FAM168B: variants seen among roughly 807,000 people sequenced by gnomAD.
FAM168B encodes myelin-associated neurite-outgrowth inhibitor.
A neutral mutation model predicts 21.8 loss-of-function variants in FAM168B; 19 were observed. That is an observed-to-expected ratio of 0.87 (90% CI 0.61 to 1.28). The LOEUF (loss-of-function observed/expected upper bound fraction) is 1.28. Ranked by LOEUF, FAM168B falls within the 50% of genes most tolerant of loss-of-function variation. The pLI, the probability that FAM168B is intolerant of heterozygous loss-of-function variation, is 0.00. For synonymous variants in FAM168B, 126 were observed against 104.8 expected (o/e 1.20, Z -1.24); for missense variants, 233 against 263.1 (o/e 0.89, Z 0.79).
chr2:131,076,902 C>G (rs1473900217), intron 2 of FAM168B, among the ~76,000 whole-genome samples: 1 of 151,958 alleles, frequency 6.6e-6, no homozygotes, highest in East Asian at 1.9e-4. Context: ...GACTAACTTC[C>G]GACTAGCAGA....
At chr2:131,066,227 GCGATCT>G (rs1324938416) in intron 3 of FAM168B, among the ~76,000 whole-genome samples, 1 of 149,426 alleles carries the variant, frequency 6.7e-6, no homozygotes, top group East Asian at 2.0e-4. Flanking sequence ...GTGCAGTGGT[GCGATCT>G]CGATCTCGAC....
intron 3 of FAM168B, among the ~76,000 whole-genome samples, chr2:131,063,717 T>C (rs1025506564): frequency 6.6e-6 from 1 of 152,166 alleles, no homozygotes; most frequent in Non-Finnish European, 1.5e-5. Flanking sequence ...AATTCTGGGT[T>C]ACAGTGAGCT....
At chr2:131,072,503 G>A (rs2105526718) in intron 2 of FAM168B, among the ~76,000 whole-genome samples, 1 of 151,146 alleles carries the variant, frequency 6.6e-6, no homozygotes, top group East Asian at 1.9e-4. Context: ...TTTCACTCTT[G>A]TTGCCCAGGC....
intron 1 of FAM168B, among the ~76,000 whole-genome samples, chr2:131,085,259 G>A (rs1457992372): frequency 1.3e-5 from 2 of 152,092 alleles, no homozygotes; most frequent in Non-Finnish European, 2.9e-5. Flanking sequence ...AGACCAGCCT[G>A]GGCAATATAA....
At chr2:131,057,073 C>A (rs775166829) in intron 3 of FAM168B, among the ~76,000 whole-genome samples, 12 of 152,200 alleles carry the variant, frequency 7.9e-5, no homozygotes, top group Non-Finnish European at 1.3e-4. Context: ...TGGCATCTCA[C>A]ATTCCCATGG....
At chr2:131,065,135 AAAAC>A (rs1380224569) in intron 3 of FAM168B, among the ~76,000 whole-genome samples, 1 of 152,218 alleles carries the variant, frequency 6.6e-6, no homozygotes, top group Non-Finnish European at 1.5e-5. Context: ...CCACTTTACA[AAAAC>A]AAACAAAAAA....
intron 3 of FAM168B, among the ~76,000 whole-genome samples, chr2:131,058,217 G>A (rs1234649957): frequency 2.0e-5 from 3 of 152,174 alleles, no homozygotes. Flanking sequence ...GGGGCCTTTT[G>A]TTTGGGGTGC....
At position 131,051,255 on chromosome 2, in the gene FAM168B, A is replaced by T; in HGVS notation, c.*1210T>A. The T allele has an allele frequency of 1.0e-6, 1 of 985,294 alleles. No individual in the cohort carries two copies. The highest frequency in any genetic ancestry group is 1.2e-6 in the Non-Finnish European group (1 of 829,916). The allele number at this position is 985,294 out of a possible 1,614,324, so 61.0% of individuals were successfully genotyped here. Reference sequence around the variant, plus strand: ...CCTCAGCAGACAAGTCACCACCATCAGGTGGGTGATCCCAGAAGCAGCTAC... The same window carrying T: ...CCTCAGCAGACAAGTCACCACCATCTGGTGGGTGATCCCAGAAGCAGCTAC... On this transcript the variant is annotated 3_prime_UTR_variant, in exon 7 of 7. Coordinates refer to ENST00000389915, the MANE Select transcript of FAM168B (RefSeq NM_001009993.4).
intron 3 of FAM168B, among the ~76,000 whole-genome samples, chr2:131,058,588 A>C (rs1485170820): frequency 2.0e-5 from 3 of 152,214 alleles, no homozygotes; most frequent in East Asian, 3.8e-4. Context: ...GCTCACCGCT[A>C]TGTTAACCGT....
At chr2:131,074,267 T>A (rs1301993480) in intron 2 of FAM168B, among the ~76,000 whole-genome samples, 2 of 152,134 alleles carry the variant, frequency 1.3e-5, no homozygotes, top group Non-Finnish European at 2.9e-5. Context: ...TAGCTGGGAT[T>A]TCGGGCACAC....
intron 3 of FAM168B, among the ~76,000 whole-genome samples, chr2:131,060,061 TC>T: frequency 6.6e-6 from 1 of 151,902 alleles, no homozygotes; most frequent in Non-Finnish European, 1.5e-5. Flanking sequence ...GCTGTCTCGC[TC>T]TGTCACCCAG....
At chr2:131,084,189 GC>G (rs1160149130) in intron 1 of FAM168B, among the ~76,000 whole-genome samples, 9 of 111,088 alleles carry the variant, frequency 8.1e-5, no homozygotes, top group African/African-American at 1.4e-4. Flanking sequence ...TCTCCCCTCC[GC>G]CCCCCCCACC....
Position 131,082,569 on chromosome 2 carries a change from T to C in FAM168B, c.70+8A>G. 4 of 1,589,008 alleles carry C rather than the reference T, an allele frequency of 2.5e-6. No individual in the cohort carries two copies. The highest frequency in any genetic ancestry group is 3.4e-6 in the Non-Finnish European group (4 of 1,167,010). On this transcript the variant is annotated splice_region_variant and intron_variant, in intron 2 of 6. Transcript: ENST00000389915. ...TTCAAAAATGAAAACAAAATTTTAC[T>C]TACTTACCTGGATAACCAATTCCTT...
chr2:131,059,685 C>G (rs1054897761), intron 3 of FAM168B, among the ~76,000 whole-genome samples: 10 of 152,154 alleles, frequency 6.6e-5, no homozygotes, highest in African/African-American at 2.4e-4. Context: ...AAACTTCCAA[C>G]AGTTTAAACA....
Position 131,082,553 on chromosome 2 carries a change from GAAAAC to G in FAM168B, c.70+19_70+23del. The G allele has an allele frequency of 6.5e-7, 1 of 1,548,168 alleles. No homozygotes were observed. Among genetic ancestry groups the G allele is most frequent in the South Asian group, 1.2e-5 (1 of 83,598 alleles). On this transcript the variant is annotated intron_variant, in intron 2 of 6. Transcript: ENST00000389915. Reference sequence around the variant, plus strand: ...TACCAAGTATTCAAAGTTCAAAAATGAAAACAAAATTTTACTTACTTACCTGGATA... The same window carrying G: ...TACCAAGTATTCAAAGTTCAAAAATGAAAATTTTACTTACTTACCTGGATA...
intron 3 of FAM168B, among the ~76,000 whole-genome samples, chr2:131,070,061 G>A (rs759618686): frequency 2.6e-5 from 4 of 151,080 alleles, no homozygotes; most frequent in Non-Finnish European, 4.4e-5. Flanking sequence ...GTTTCACCAC[G>A]TTGGCCAGGC....
At chr2:131,058,597 G>T in intron 3 of FAM168B, among the ~76,000 whole-genome samples, 1 of 152,162 alleles carries the variant, frequency 6.6e-6, no homozygotes, top group East Asian at 1.9e-4. Context: ...TATGTTAACC[G>T]TAAATAGAAA....
intron 2 of FAM168B, among the ~76,000 whole-genome samples, chr2:131,076,387 C>T (rs796514819): frequency 2.0e-4 from 30 of 152,152 alleles, no homozygotes; most frequent in African/African-American, 7.0e-4. Flanking sequence ...CTTGGCCGGG[C>T]GCAGTGGCTC....
At chr2:131,077,066 C>T (rs181100511) in intron 2 of FAM168B, among the ~76,000 whole-genome samples, 80 of 152,146 alleles carry the variant, frequency 5.3e-4, no homozygotes, top group Admixed American at 8.5e-4. Flanking sequence ...GAGGAGAATT[C>T]CCAGAGTCAC....
Sources: gnomAD v4.1 joint callset for allele counts (sites outside exome capture counted in the v4.1 genomes callset) on GRCh38, gnomAD v4.1.1 for gene constraint, MANE v1.5 for transcripts, NCBI Gene and HGNC (gene_info 2026-07-23, HGNC 2026-07-21) for gene names.